Variants in FUT9 observed in about 807,000 individuals in gnomAD.
FUT9 encodes the protein fucosyltransferase 9.
A neutral mutation model predicts 29.7 loss-of-function variants in FUT9; 15 were observed. That is an observed-to-expected ratio of 0.51 (90% CI 0.34 to 0.78). The LOEUF (loss-of-function observed/expected upper bound fraction) is 0.78, where lower values mean the gene tolerates loss of function less well. Ranked by LOEUF, FUT9 falls within the 30% of genes least tolerant of loss-of-function variation. The pLI is 0.01. For missense variants in FUT9, 319 were observed against 425.4 expected (o/e 0.75, Z 2.20); for synonymous variants, 169 against 153.7 (o/e 1.10, Z -0.74).
chr6:96,084,340 A>C (rs1771284086), intron 1 of FUT9, among the ~76,000 whole-genome samples: 1 of 152,122 alleles, frequency 6.6e-6, no homozygotes, highest in South Asian at 2.1e-4. Flanking sequence ...TTGTTTTTTA[A>C]GCTACAGAAA....
intron 2 of FUT9, among the ~76,000 whole-genome samples, chr6:96,147,866 G>T (rs888335112): frequency 6.7e-6 from 1 of 150,286 alleles, no homozygotes; most frequent in African/African-American, 2.5e-5. Flanking sequence ...GATAAAAGAT[G>T]ATCTGGGACT....
chr6:96,168,666 A>AACATGT (rs1256900014), intron 2 of FUT9, among the ~76,000 whole-genome samples: 3 of 152,226 alleles, frequency 2.0e-5, no homozygotes, highest in African/African-American at 7.2e-5. Flanking sequence ...GAAGAAAGTG[A>AACATGT]ACATGTAGAC....
At chr6:96,168,855 A>G (rs1773060011) in intron 2 of FUT9, among the ~76,000 whole-genome samples, 1 of 152,144 alleles carries the variant, frequency 6.6e-6, no homozygotes, top group Non-Finnish European at 1.5e-5. Context: ...GGGGCTCAAT[A>G]TTTTTTAATA....
chr6:96,160,786 A>G (rs1772883543), intron 2 of FUT9, among the ~76,000 whole-genome samples: 1 of 152,192 alleles, frequency 6.6e-6, no homozygotes, highest in Non-Finnish European at 1.5e-5. Context: ...TAAAAATATA[A>G]TCTTTTTACA....
chr6:96,029,110 C>T (rs532325274), intron 1 of FUT9, among the ~76,000 whole-genome samples: 24 of 151,576 alleles, frequency 1.6e-4, no homozygotes, highest in Non-Finnish European at 3.4e-4. Context: ...CACTGAGAAA[C>T]GAGTCATGGG....
intron 2 of FUT9, among the ~76,000 whole-genome samples, chr6:96,143,592 C>T (rs904615756): frequency 6.6e-6 from 1 of 151,782 alleles, no homozygotes; most frequent in Non-Finnish European, 1.5e-5. Flanking sequence ...TTTAATATAC[C>T]CTTTCCCCAT....
intron 2 of FUT9, among the ~76,000 whole-genome samples, chr6:96,181,644 T>G (rs746369793): frequency 1.3e-5 from 2 of 151,892 alleles, no homozygotes; most frequent in Non-Finnish European, 2.9e-5. Context: ...CATCCTCATA[T>G]TTTAGCTCCC....
In FUT9 at chr6:96,093,892, A is replaced by G. The variant is rs1227769314; in HGVS notation, c.-97-20147A>G. On this transcript the variant is annotated intron_variant, in intron 1 of 2. Transcript: ENST00000302103. ...TTGAAAAACTTTCCCCAGGTTATAC[A>G]GCAGCAGAGTCAAAAATAAAATCCA... Among the ~76,000 whole-genome samples, 9 of 152,274 alleles carry G rather than the reference A, an allele frequency of 5.9e-5. No homozygotes were observed. The East Asian group carries it at 1.7e-3, about 29-fold the overall frequency.
intron 1 of FUT9, among the ~76,000 whole-genome samples, chr6:96,025,677 T>C (rs1324789029): frequency 6.6e-6 from 1 of 151,574 alleles, no homozygotes; most frequent in Non-Finnish European, 1.5e-5. Context: ...ATAACCCAAT[T>C]AACTTGGAAT....
At chr6:96,030,791 G>A (rs539915343) in intron 1 of FUT9, among the ~76,000 whole-genome samples, 3 of 151,554 alleles carry the variant, frequency 2.0e-5, no homozygotes, top group Admixed American at 2.0e-4. Flanking sequence ...ATACTACTTA[G>A]CAATAAAAAG....
chr6:96,101,479 G>A (rs149688724), intron 1 of FUT9, among the ~76,000 whole-genome samples: 6,125 of 151,936 alleles, frequency 0.04, 170 homozygotes, highest in South Asian at 0.12. Context: ...AACCTGGGAG[G>A]TGAAGGCTGC....
chr6:96,029,524 A>G lies in FUT9; in HGVS notation c.-98+13312A>G, dbSNP rs144764299. Among the ~76,000 whole-genome samples the G allele has an allele frequency of 3.4e-3, 523 of 151,654 alleles. 3 individuals carry two copies. Among genetic ancestry groups the G allele is most frequent in the African/African-American group, 0.012 (494 of 41,452 alleles). ...GAAGTCTTTGGCATCCTGAAGATCA[A>G]CTCTTGACTAGAGTAACTCAATGCC... is the stretch of plus-strand genomic sequence containing the variant. On this transcript the variant is annotated intron_variant, in intron 1 of 2. Transcript: ENST00000302103.
chr6:96,160,682 G>A (rs922303673), intron 2 of FUT9, among the ~76,000 whole-genome samples: 17 of 152,162 alleles, frequency 1.1e-4, no homozygotes, highest in Admixed American at 5.9e-4. Flanking sequence ...TCACAAATTC[G>A]CTATCATAGA....
chr6:96,154,807 C>A (rs1424776114), intron 2 of FUT9, among the ~76,000 whole-genome samples: 2 of 152,182 alleles, frequency 1.3e-5, no homozygotes, highest in African/African-American at 2.4e-5. Flanking sequence ...CTTGTTTGAA[C>A]CAAAGTATTT....
intron 1 of FUT9, among the ~76,000 whole-genome samples, chr6:96,091,670 G>T (rs1403213071): frequency 6.6e-6 from 1 of 152,082 alleles, no homozygotes; most frequent in Non-Finnish European, 1.5e-5. Flanking sequence ...AACGGACTGA[G>T]TGAGAAAGAG....
chr6:96,062,997 A>T (rs1770903058), intron 1 of FUT9, among the ~76,000 whole-genome samples: 2 of 152,184 alleles, frequency 1.3e-5, no homozygotes, highest in Admixed American at 1.3e-4. Context: ...AATGATGTGG[A>T]GCAGGGAATT....
intron 2 of FUT9, among the ~76,000 whole-genome samples, chr6:96,145,910 G>A (rs1361591496): frequency 6.6e-6 from 1 of 150,410 alleles, no homozygotes; most frequent in Admixed American, 6.7e-5. Context: ...CTGTCATCCA[G>A]GCTGGCATGA....
chr6:96,035,912 ATTAT>A (rs1770354576), intron 1 of FUT9, among the ~76,000 whole-genome samples: 1 of 81,776 alleles, frequency 1.2e-5, no homozygotes, highest in Non-Finnish European at 2.4e-5. Flanking sequence ...AATATAATAC[ATTAT>A]GTTTATTATA....
intron 1 of FUT9, among the ~76,000 whole-genome samples, chr6:96,073,448 CAA>C (rs58982988): frequency 4.6e-4 from 28 of 61,370 alleles, no homozygotes; most frequent in Middle Eastern, 0.011. Flanking sequence ...GACTCCGTCT[CAA>C]AAAAAAAAAA....
Sources: allele counts gnomAD v4.1 joint callset (sites outside exome capture counted in the v4.1 genomes callset), GRCh38; gene constraint gnomAD v4.1.1; transcripts MANE v1.5; gene names NCBI Gene and HGNC (gene_info 2026-07-23, HGNC 2026-07-21).